The following ANKS1A variants were observed in gnomAD, a reference collection of about 807,000 sequenced individuals.
ANKS1A encodes ankyrin repeat and SAM domain-containing protein 1A.
In ANKS1A, 55 loss-of-function variants were observed where a neutral mutation model predicts 120.3. The ratio of observed to expected loss-of-function variants is 0.46; its 90% CI spans 0.37 to 0.57. ANKS1A has a LOEUF of 0.57. Among genes scored for constraint, ANKS1A ranks in the 20% least tolerant of loss-of-function variants. ANKS1A has a pLI of 0.00. For missense variants in ANKS1A, 1,123 were observed against 1,480.3 expected (o/e 0.76, Z 3.96); for synonymous variants, 590 against 604.7 (o/e 0.98, Z 0.36).
chr6:35,044,695 C>T lies in ANKS1A; in HGVS notation c.2011-9404C>T, dbSNP rs996318911. Reference sequence around the variant, plus strand: ...TATTGTTCACACAACATGTTCTAAACGTTCTCTGCCAAAAGGAAGCCCTTT... The same window carrying T: ...TATTGTTCACACAACATGTTCTAAATGTTCTCTGCCAAAAGGAAGCCCTTT... On this transcript the variant is annotated intron_variant, in intron 11 of 23. Coordinates refer to ENST00000360359, the MANE Select transcript of ANKS1A (RefSeq NM_015245.3). This position sits in a 1 kb window ranked among gnomAD's most constrained non-coding sequence, Gnocchi z 4.4. Among the ~76,000 whole-genome samples, 1 of 152,202 alleles carries T rather than the reference C, an allele frequency of 6.6e-6. No homozygotes were observed. Among genetic ancestry groups the T allele is most frequent in the Non-Finnish European group, 1.5e-5 (1 of 68,038 alleles).
rs1359745574 is a variant in ANKS1A, at chr6:35,085,536, T to C, written c.3133-230T>C. Among the ~76,000 whole-genome samples the C allele has an allele frequency of 6.6e-6, 1 of 152,078 alleles. No homozygotes were observed. Among genetic ancestry groups the C allele is most frequent in the Non-Finnish European group, 1.5e-5 (1 of 67,992 alleles). Reference sequence around the variant, plus strand: ...AAGACCTGCCGTAGGCTTACAGCAGTGTGCACCTGCCCTCCCCGCAGCCCA... The same window carrying C: ...AAGACCTGCCGTAGGCTTACAGCAGCGTGCACCTGCCCTCCCCGCAGCCCA... On this transcript the variant is annotated intron_variant, in intron 21 of 23. Transcript: ENST00000360359. This position sits in a 1 kb window ranked among gnomAD's most constrained non-coding sequence, Gnocchi z 4.7.
At position 35,089,803 on chromosome 6, in the gene ANKS1A, C is replaced by T. The variant is rs1406077765; in HGVS notation, c.*1194C>T. 1 of 1,026,048 alleles carries T rather than the reference C, an allele frequency of 9.7e-7. No individual in the cohort carries two copies. Among genetic ancestry groups the T allele is most frequent in the African/African-American group, 1.7e-5 (1 of 58,358 alleles). The allele number at this position is 1,026,048 out of a possible 1,614,324, so 63.6% of individuals were successfully genotyped here. On this transcript the variant is annotated 3_prime_UTR_variant, in exon 24 of 24. Transcript: ENST00000360359. Reference sequence around the variant, plus strand: ...TAGAGTAGAAATGCAGGGGAAACTGCTGTGGATTTGAGAGGCAAAGTTGGC... The same window carrying T: ...TAGAGTAGAAATGCAGGGGAAACTGTTGTGGATTTGAGAGGCAAAGTTGGC...
intron 9 of ANKS1A, among the ~76,000 whole-genome samples, chr6:34,991,394 A>C (rs997207002): frequency 1.3e-5 from 2 of 152,020 alleles, no homozygotes; most frequent in Non-Finnish European, 2.9e-5. Flanking sequence ...ATATTCATGG[A>C]AGTTGCAGCT....
At position 34,960,595 on chromosome 6, in the gene ANKS1A, G is replaced by A. The variant is rs547109088; in HGVS notation, c.198-6644G>A. 3.9e-5 allele frequency among the ~76,000 whole-genome samples: 6 copies of A among 152,204 alleles called. No individual in the cohort carries two copies. The South Asian group carries it at 1.2e-3, about 32-fold the overall frequency. ...CTACACATGCAATCAGTTTTTAAAG[G>A]AATGGAGAGAGGCCTTTGAGGGGGG... On this transcript the variant is annotated intron_variant, in intron 1 of 23. Transcript: ENST00000360359.
intron 13 of ANKS1A, among the ~76,000 whole-genome samples, chr6:35,068,009 T>G (rs1195270539): frequency 1.3e-5 from 2 of 150,602 alleles, no homozygotes; most frequent in East Asian, 3.9e-4. Context: ...TTCTCCTGCC[T>G]CGGCCTCCTG....
At position 35,044,657 on chromosome 6, in the gene ANKS1A, C is replaced by G. The variant is rs959628459; in HGVS notation, c.2011-9442C>G. 2.0e-5 allele frequency among the ~76,000 whole-genome samples: 3 copies of G among 152,224 alleles called. No individual in the cohort carries two copies. The highest frequency in any genetic ancestry group is 4.8e-5 in the African/African-American group (2 of 41,452). On this transcript the variant is annotated intron_variant, in intron 11 of 23. Coordinates refer to ENST00000360359, the MANE Select transcript of ANKS1A (RefSeq NM_015245.3). This position sits in a 1 kb window ranked among gnomAD's most constrained non-coding sequence, Gnocchi z 4.4. ...GGAGAAGCTGCCTCCAGCTGAGTGT[C>G]CAGGAAGTGAGCTATTGTTCACACA... is the stretch of plus-strand genomic sequence containing the variant.
intron 11 of ANKS1A, among the ~76,000 whole-genome samples, chr6:35,023,005 C>T (rs566099662): frequency 7.2e-5 from 11 of 152,284 alleles, no homozygotes; most frequent in African/African-American, 2.6e-4. Context: ...GGGCATTTTC[C>T]ACCTGCCCTT....
At position 35,090,978 on chromosome 6, in the gene ANKS1A, G is replaced by C. The variant is rs1364667502; in HGVS notation, c.*2369G>C. ...GCGTCAGACACTAATGGGAGTTCCC[G>C]AGATGCTCGGGTTTGAGCAGGGAGC... On this transcript the variant is annotated 3_prime_UTR_variant, in exon 24 of 24. Coordinates refer to ENST00000360359, the MANE Select transcript of ANKS1A (RefSeq NM_015245.3). 1 of 985,788 alleles carries C rather than the reference G, an allele frequency of 1.0e-6. No individual in the cohort carries two copies. Among genetic ancestry groups the C allele is most frequent in the African/African-American group, 1.7e-5 (1 of 57,258 alleles). The allele number at this position is 985,788 out of a possible 1,614,324, so 61.1% of individuals were successfully genotyped here. A position where few individuals can be genotyped will look rare whatever the true frequency, so the allele number is the denominator to read the frequency against.
At chr6:35,023,902 T>C (rs1774479504) in intron 11 of ANKS1A, 1 of 154,784 alleles carries the variant, frequency 6.5e-6, no homozygotes, top group Admixed American at 6.5e-5. Flanking sequence ...CATAATATAA[T>C]TTCCATGTCT....
chr6:34,892,929 GCCTT>G (rs559785661), intron 1 of ANKS1A, among the ~76,000 whole-genome samples: 5 of 152,136 alleles, frequency 3.3e-5, no homozygotes, highest in Non-Finnish European at 7.3e-5. Context: ...TGTTCTTCTA[GCCTT>G]CCTTATTTAC....
chr6:34,935,776 T>G (rs972681750), intron 1 of ANKS1A, among the ~76,000 whole-genome samples: 8 of 152,268 alleles, frequency 5.3e-5, no homozygotes, highest in Non-Finnish European at 1.0e-4. Context: ...TACTTTCTCC[T>G]GGTGGGCCGG....
chr6:35,001,147 A>C (rs1773145909), intron 10 of ANKS1A, among the ~76,000 whole-genome samples: 1 of 152,266 alleles, frequency 6.6e-6, no homozygotes, highest in African/African-American at 2.4e-5. Context: ...GGTAAAATTT[A>C]GCTTATCTGG....
intron 1 of ANKS1A, among the ~76,000 whole-genome samples, chr6:34,935,428 G>A (rs1436696806): frequency 3.3e-5 from 5 of 152,156 alleles, no homozygotes; most frequent in African/African-American, 9.7e-5. Flanking sequence ...TCAAAACTGG[G>A]ATTGCCCTGG....
rs1423550039 is a variant in ANKS1A at position 35,044,297 on chromosome 6, A to G, written c.2011-9802A>G. Among the ~76,000 whole-genome samples the G allele has an allele frequency of 6.6e-6, 1 of 152,228 alleles. No homozygotes were observed. Among genetic ancestry groups the G allele is most frequent in the Non-Finnish European group, 1.5e-5 (1 of 68,034 alleles). Reference sequence around the variant, plus strand: ...AGCGGAGGTCAATAACAGGTTTGCCAGGTAGGTGTCGTTATCCCTGTTACA... The same window carrying G: ...AGCGGAGGTCAATAACAGGTTTGCCGGGTAGGTGTCGTTATCCCTGTTACA... On this transcript the variant is annotated intron_variant, in intron 11 of 23. Coordinates refer to ENST00000360359, the MANE Select transcript of ANKS1A (RefSeq NM_015245.3). The surrounding 1 kb of genome is among the most constrained non-coding windows in gnomAD (Gnocchi z 4.4).
chr6:35,003,297 A>G (rs938661607), intron 10 of ANKS1A, among the ~76,000 whole-genome samples: 1 of 152,172 alleles, frequency 6.6e-6, no homozygotes, highest in African/African-American at 2.4e-5. Context: ...TTTAGAAATC[A>G]TCACTGATAA....
chr6:34,983,235 C>G, intron 6 of ANKS1A, 21 bp downstream of exon 6: 1 of 1,612,544 alleles, frequency 6.2e-7, no homozygotes, highest in Non-Finnish European at 8.5e-7. Context: ...TTCTCCCTGT[C>G]TGGGTGACCA....
chr6:35,067,496 C>T (rs574950070), intron 13 of ANKS1A, among the ~76,000 whole-genome samples: 1 of 152,164 alleles, frequency 6.6e-6, no homozygotes, highest in Non-Finnish European at 1.5e-5. Context: ...CGGAGAAGCC[C>T]GAGTGCCCAG....
At chr6:34,916,246 G>A (rs1190205608) in intron 1 of ANKS1A, among the ~76,000 whole-genome samples, 3 of 152,074 alleles carry the variant, frequency 2.0e-5, no homozygotes, top group Non-Finnish European at 4.4e-5. Flanking sequence ...ATCTGCCTCG[G>A]CCTCCTAAAG....
chr6:34,895,056 A>G (rs1051460582), intron 1 of ANKS1A, among the ~76,000 whole-genome samples: 22 of 152,190 alleles, frequency 1.4e-4, no homozygotes, highest in African/African-American at 5.3e-4. Context: ...AATGTTCTGA[A>G]ATAAGGAATG....
Sources: allele counts gnomAD v4.1 joint callset (sites outside exome capture counted in the v4.1 genomes callset), GRCh38; gene constraint gnomAD v4.1.1; non-coding constraint Gnocchi (gnomAD v3.1); transcripts MANE v1.5; gene names NCBI Gene and HGNC (gene_info 2026-07-23, HGNC 2026-07-21).